ERG: variants seen among roughly 807,000 people sequenced by gnomAD.
ERG encodes the protein ETS transcription factor ERG.
ERG carries 9 observed loss-of-function variants against 55.3 expected under a neutral mutation model. The observed-to-expected ratio is 0.16, with a 90% CI of 0.10 to 0.28. The LOEUF (loss-of-function observed/expected upper bound fraction) is 0.28. ERG is among the 10% of genes least tolerant of loss of function. The pLI, the probability that ERG is intolerant of heterozygous loss-of-function variation, is 1.00. For synonymous variants in ERG, 223 were observed against 237.3 expected, an observed-to-expected ratio of 0.94 and a Z score of 0.55; for missense variants, 434 against 631.6, an observed-to-expected ratio of 0.69 and a Z score of 3.35.
intron 1 of ERG, among the ~76,000 whole-genome samples, chr21:38,448,459 T>C (rs973971948): frequency 2.0e-5 from 3 of 152,168 alleles, no homozygotes; most frequent in African/African-American, 7.2e-5. Flanking sequence ...ACAGTCCACA[T>C]TTTGAAAAGA....
chr21:38,629,018 C>T (rs956954332), intron 1 of ERG, among the ~76,000 whole-genome samples: 1 of 152,176 alleles, frequency 6.6e-6, no homozygotes, highest in African/African-American at 2.4e-5. Context: ...CAAGAGATGA[C>T]CTGTTTTAGG....
chr21:38,459,560 G>A lies in ERG; in HGVS notation c.19-13939C>T, dbSNP rs1337337294. Reference sequence around the variant, plus strand: ...CTGAAGTTAACATTTCTGTACCTATGTAGCCATTTTAATCACCCCCTAAAC... The same window carrying A: ...CTGAAGTTAACATTTCTGTACCTATATAGCCATTTTAATCACCCCCTAAAC... On this transcript the variant is annotated intron_variant, in intron 1 of 9. Coordinates refer to ENST00000288319, the MANE Select transcript of ERG (RefSeq NM_182918.4). Among the ~76,000 whole-genome samples, 4 of 152,304 alleles carry A rather than the reference G, an allele frequency of 2.6e-5. No individual in the cohort carries two copies. In the South Asian group the frequency reaches 6.2e-4, roughly 24 times the overall value.
At chr21:38,450,837 T>C (rs1601420462) in intron 1 of ERG, 1 of 447,640 alleles carries the variant, frequency 2.2e-6, no homozygotes, top group Non-Finnish European at 4.5e-6. Flanking sequence ...TTATATCCAA[T>C]GACATCTTAC....
In ERG at chr21:38,391,546, C is replaced by G. The variant is rs188918116; in HGVS notation, c.871+113G>C. Reference sequence around the variant, plus strand: ...GGCCCTATCTTATGTATGGAGCTGTCGAAAAGAGGCAAACAATCATGTTAA... The same window carrying G: ...GGCCCTATCTTATGTATGGAGCTGTGGAAAAGAGGCAAACAATCATGTTAA... On this transcript the variant is annotated intron_variant, in intron 8 of 9. Coordinates refer to ENST00000288319, the MANE Select transcript of ERG (RefSeq NM_182918.4). 28 of 910,540 alleles carry G rather than the reference C, an allele frequency of 3.1e-5. 1 individual carries two copies. In the South Asian group the frequency reaches 4.3e-4, roughly 14 times the overall value. 56.4% of individuals were successfully genotyped at this position (910,540 alleles called of 1,614,324 possible). A position where few individuals can be genotyped will look rare whatever the true frequency, so the allele number is the denominator to read the frequency against.
In ERG at chr21:38,446,452, G is replaced by A. The variant is rs116291862; in HGVS notation, c.19-831C>T. Reference sequence around the variant, plus strand: ...AAACAAGTGGTTAGCCAATGGCTATGTTTATATTCTACAGCCAATGAGCAA... The same window carrying A: ...AAACAAGTGGTTAGCCAATGGCTATATTTATATTCTACAGCCAATGAGCAA... On this transcript the variant is annotated intron_variant, in intron 1 of 9. Coordinates refer to ENST00000288319, the MANE Select transcript of ERG (RefSeq NM_182918.4). 8.0e-3 allele frequency among the ~76,000 whole-genome samples: 1,220 copies of A among 152,212 alleles called. 17 individuals carry two copies. The highest frequency in any genetic ancestry group is 0.027 in the African/African-American group (1,136 of 41,522).
At chr21:38,397,027 G>T (rs1347134753) in intron 6 of ERG, among the ~76,000 whole-genome samples, 1 of 152,164 alleles carries the variant, frequency 6.6e-6, no homozygotes, top group Non-Finnish European at 1.5e-5. Flanking sequence ...ATTCAACAAA[G>T]GGGTTGTGAA....
At chr21:38,441,401 G>T (rs539263232) in intron 2 of ERG, among the ~76,000 whole-genome samples, 1 of 152,200 alleles carries the variant, frequency 6.6e-6, no homozygotes, top group Non-Finnish European at 1.5e-5. Flanking sequence ...CAAAGCCTGC[G>T]GTTTCCAGAG....
At chr21:38,634,711 C>G (rs947758277) in intron 1 of ERG, among the ~76,000 whole-genome samples, 2 of 152,206 alleles carry the variant, frequency 1.3e-5, no homozygotes, top group Non-Finnish European at 1.5e-5. Flanking sequence ...ATCTGTAACA[C>G]TTATTCTATT....
chr21:38,594,756 T>A (rs892971187), intron 1 of ERG, among the ~76,000 whole-genome samples: 1 of 152,136 alleles, frequency 6.6e-6, no homozygotes, highest in Admixed American at 6.6e-5. Context: ...ACAACAATAA[T>A]AACTTAGGCA....
At position 38,633,959 on chromosome 21, in the gene ERG, T is replaced by A. The variant is rs914671155; in HGVS notation, c.-150+27699A>T. Among the ~76,000 whole-genome samples, 11 of 152,050 alleles carry A rather than the reference T, an allele frequency of 7.2e-5. 1 individual carries two copies. The South Asian group carries it at 2.3e-3, about 32-fold the overall frequency. ...TGCTGCCTCAAAAGAACCATAAGGT[T>A]CAGATCACAAAATATAATGGTCTCA... On this transcript the variant is annotated intron_variant, in intron 1 of 10. Coordinates refer to the ERG transcript ENST00000398910.
downstream of ERG, among the ~76,000 whole-genome samples, chr21:38,375,086 C>T (rs1054336130): frequency 1.3e-5 from 2 of 152,166 alleles, no homozygotes; most frequent in Non-Finnish European, 2.9e-5. Flanking sequence ...AGCTGCCCTA[C>T]TCCAATTAAG....
intron 2 of ERG, among the ~76,000 whole-genome samples, chr21:38,424,141 G>A (rs1322643949): frequency 1.3e-5 from 2 of 150,110 alleles, no homozygotes; most frequent in Non-Finnish European, 3.0e-5. Context: ...AGAGTCCCAC[G>A]ATGGGATTAG....
chr21:38,503,136 CTCT>C (rs926911253), upstream of ERG, among the ~76,000 whole-genome samples: 2 of 152,090 alleles, frequency 1.3e-5, no homozygotes, highest in South Asian at 2.1e-4. Context: ...GTTTTTTCCC[CTCT>C]TCTTCTTTGG....
At chr21:38,517,676 A>G (rs921998749) in intron 2 of ERG, among the ~76,000 whole-genome samples, 1 of 152,160 alleles carries the variant, frequency 6.6e-6, no homozygotes, top group Non-Finnish European at 1.5e-5. Flanking sequence ...CCGCAGCACT[A>G]TTTACCATAG....
chr21:38,372,136 T>C, the ERG span, among the ~76,000 whole-genome samples: 1,678 of 152,196 alleles, frequency 0.011, 41 homozygotes, highest in African/African-American at 0.038. Context: ...CATAAAGTAG[T>C]TCACAACATC....
intron 1 of ERG, among the ~76,000 whole-genome samples, chr21:38,603,145 T>C (rs2060174565): frequency 6.6e-6 from 1 of 151,976 alleles, no homozygotes; most frequent in Non-Finnish European, 1.5e-5. Context: ...TAGCTGGGTC[T>C]CCTCAAGAAC....
intron 2 of ERG, among the ~76,000 whole-genome samples, chr21:38,520,840 A>T (rs1427785361): frequency 6.6e-6 from 1 of 152,220 alleles, no homozygotes; most frequent in Non-Finnish European, 1.5e-5. Context: ...ACAGAGAAGA[A>T]GACTTGAAGA....
chr21:38,653,999 TATGAA>T (rs1383721420), intron 1 of ERG, among the ~76,000 whole-genome samples: 4 of 152,246 alleles, frequency 2.6e-5, no homozygotes, highest in Non-Finnish European at 5.9e-5. Context: ...TACACATACT[TATGAA>T]ATGATTTTAT....
intron 2 of ERG, among the ~76,000 whole-genome samples, chr21:38,426,924 C>T (rs1012381368): frequency 3.0e-5 from 2 of 66,526 alleles, no homozygotes; most frequent in African/African-American, 1.2e-4. Context: ...GAGCAAGACT[C>T]CATGTCAAAA....
Sources: allele counts gnomAD v4.1 joint callset (sites outside exome capture counted in the v4.1 genomes callset), GRCh38; gene constraint gnomAD v4.1.1; transcripts MANE v1.5; gene names NCBI Gene and HGNC (gene_info 2026-07-23, HGNC 2026-07-21).